DPP6: variants seen among roughly 807,000 people sequenced by gnomAD.
DPP6 encodes the protein dipeptidyl peptidase like 6, also known as A-type potassium channel modulatory protein DPP6.
A neutral mutation model predicts 122.6 loss-of-function variants in DPP6; 69 were observed. The observed-to-expected ratio is 0.56, with a 90% CI of 0.46 to 0.69. The LOEUF is 0.69. DPP6 is among the 30% of genes least tolerant of loss of function. The pLI, the probability that DPP6 is intolerant of heterozygous loss-of-function variation, is 0.00. For synonymous variants in DPP6, 418 were observed against 433.1 expected, an observed-to-expected ratio of 0.97 and a Z score of 0.43; for missense variants, 928 against 1,116.9, an observed-to-expected ratio of 0.83 and a Z score of 2.41.
rs1554490643 is a variant in DPP6, at chr7:154,866,998, T to TTC, written c.1715-997_1715-996insTC. On this transcript the variant is annotated intron_variant, in intron 17 of 25. Coordinates refer to ENST00000377770, the MANE Select transcript of DPP6 (RefSeq NM_130797.4). ...TGCAGAGCAGCTTTTTTTTTTTTTT[T>TTC]CAAGGGAGTTATATGGGAGGATGAC... Among the ~76,000 whole-genome samples the TTC allele has an allele frequency of 2.0e-5, 3 of 151,804 alleles. No individual in the cohort carries two copies. The East Asian group carries it at 5.8e-4, about 29-fold the overall frequency.
At chr7:153,947,520 C>T (rs1802004848) in intron 1 of DPP6, among the ~76,000 whole-genome samples, 1 of 152,172 alleles carries the variant, frequency 6.6e-6, no homozygotes, top group Non-Finnish European at 1.5e-5. Context: ...GAGAAAATTA[C>T]ACAGATTTAC....
rs1232965021 is a variant in DPP6, at chr7:154,325,697, G to A, written c.244-120517G>A. Among the ~76,000 whole-genome samples the A allele has an allele frequency of 5.9e-5, 9 of 152,234 alleles. No individual in the cohort carries two copies. The East Asian group carries it at 1.2e-3, about 20-fold the overall frequency. ...TCATTAGAAACTAAAGATTTGGATG[G>A]TGTTTTCATAATCTATTGAGAACTG... On this transcript the variant is annotated intron_variant, in intron 1 of 25. Transcript: ENST00000377770.
chr7:154,608,319 T>TTA (rs1563922092), intron 5 of DPP6, among the ~76,000 whole-genome samples: 1 of 81,298 alleles, frequency 1.2e-5, no homozygotes, highest in Admixed American at 1.5e-4. Flanking sequence ...TTAGGAGTGA[T>TTA]CATATATATA....
chr7:154,174,676 T>A (rs1797704853), intron 1 of DPP6, among the ~76,000 whole-genome samples: 1 of 152,138 alleles, frequency 6.6e-6, no homozygotes, highest in Non-Finnish European at 1.5e-5. Flanking sequence ...TGCAGACAAA[T>A]CGATATCTCC....
chr7:153,936,906 T>C (rs907188624), intron 1 of DPP6, among the ~76,000 whole-genome samples: 10 of 152,092 alleles, frequency 6.6e-5, no homozygotes, highest in African/African-American at 2.2e-4. Context: ...ATGCCAACAG[T>C]GTTTGTGGGA....
chr7:154,044,675 G>A (rs1350749853), intron 1 of DPP6, among the ~76,000 whole-genome samples: 1 of 152,202 alleles, frequency 6.6e-6, no homozygotes, highest in Non-Finnish European at 1.5e-5. Context: ...GGAATCTTAA[G>A]TGACGGTGAA....
intron 1 of DPP6, among the ~76,000 whole-genome samples, chr7:154,265,868 A>G (rs765927029): frequency 1.3e-5 from 2 of 152,124 alleles, no homozygotes; most frequent in South Asian, 4.1e-4. Context: ...CTTTGGTCCT[A>G]TTTTTAACTA....
chr7:154,040,426 T>C (rs1799702584), intron 1 of DPP6, among the ~76,000 whole-genome samples: 1 of 150,544 alleles, frequency 6.6e-6, no homozygotes, highest in South Asian at 2.1e-4. Context: ...ATGAGGCTGT[T>C]TCTCTTGCTT....
chr7:154,634,501 T>C (rs1221722491), intron 5 of DPP6, among the ~76,000 whole-genome samples: 4 of 152,182 alleles, frequency 2.6e-5, no homozygotes, highest in Admixed American at 6.5e-5. Flanking sequence ...GCCTTTCTTA[T>C]AGGCGATTCC....
the DPP6 span, among the ~76,000 whole-genome samples, chr7:153,770,703 A>T: frequency 6.6e-6 from 1 of 152,212 alleles, no homozygotes; most frequent in South Asian, 2.1e-4. Context: ...ATAATTTAAA[A>T]TAACTATGAC....
chr7:154,887,650 A>C (rs1328834916), intron 22 of DPP6, 26 bp from the exon 23 acceptor site: 1 of 1,612,778 alleles, frequency 6.2e-7, no homozygotes, highest in Non-Finnish European at 8.5e-7. Context: ...GCCAGAGGTA[A>C]CCTCCCTCCC....
chr7:153,749,853 T>C, the DPP6 span, among the ~76,000 whole-genome samples: 2 of 152,238 alleles, frequency 1.3e-5, no homozygotes, highest in Non-Finnish European at 2.9e-5. This position sits in a 1 kb window ranked among gnomAD's most constrained non-coding sequence, Gnocchi z 4.1. Context: ...CGAATATTTA[T>C]ATATTTTTTT....
At chr7:154,519,395 G>A (rs998195847) in intron 3 of DPP6, among the ~76,000 whole-genome samples, 5 of 152,160 alleles carry the variant, frequency 3.3e-5, no homozygotes, top group South Asian at 2.1e-4. Flanking sequence ...GCAGACACAC[G>A]CTACCAGGAG....
In DPP6 at chr7:154,500,417, C is replaced by T. The variant is rs1011982964; in HGVS notation, c.457+25380C>T. Reference sequence around the variant, plus strand: ...AGAGATAAAGCTTATAATATGGTTTCGCTGTGTCACTACCCAAATCTCATT... The same window carrying T: ...AGAGATAAAGCTTATAATATGGTTTTGCTGTGTCACTACCCAAATCTCATT... On this transcript the variant is annotated intron_variant, in intron 3 of 25. Transcript: ENST00000377770. Among the ~76,000 whole-genome samples, 39 of 152,122 alleles carry T rather than the reference C, an allele frequency of 2.6e-4. 1 individual carries two copies. Among genetic ancestry groups the T allele is most frequent in the Non-Finnish European group, 3.7e-4 (25 of 68,020 alleles).
At chr7:154,011,512 A>G (rs1798156075) in intron 1 of DPP6, among the ~76,000 whole-genome samples, 1 of 152,234 alleles carries the variant, frequency 6.6e-6, no homozygotes. Flanking sequence ...AGATCTAAGA[A>G]ATAAATCTCA....
At chr7:154,354,728 C>T (rs548995992) in intron 1 of DPP6, among the ~76,000 whole-genome samples, 6 of 152,316 alleles carry the variant, frequency 3.9e-5, no homozygotes, top group East Asian at 1.9e-4. Flanking sequence ...GTTCACTCTT[C>T]GCATTTCTGT....
the DPP6 span, among the ~76,000 whole-genome samples, chr7:153,779,057 C>A: frequency 6.8e-6 from 1 of 146,828 alleles, no homozygotes; most frequent in African/African-American, 2.7e-5. Context: ...AAAAAATAGG[C>A]TAAGTGAAAA....
intron 1 of DPP6, among the ~76,000 whole-genome samples, chr7:154,024,446 T>A (rs75005526): frequency 6.6e-6 from 1 of 152,106 alleles, no homozygotes; most frequent in Non-Finnish European, 1.5e-5. Flanking sequence ...GTTTTTTTTT[T>A]CCTGTTATGT....
chr7:154,876,159 C>T, intron 20 of DPP6, 59 bp downstream of exon 20: 1 of 1,482,148 alleles, frequency 6.7e-7, no homozygotes, highest in African/African-American at 1.4e-5. Context: ...CTCATGGGGG[C>T]AGCACCGCAG....
Sources: gnomAD v4.1 joint callset for allele counts (sites outside exome capture counted in the v4.1 genomes callset) on GRCh38, gnomAD v4.1.1 for gene constraint, Gnocchi (gnomAD v3.1) non-coding constraint, MANE v1.5 for transcripts, NCBI Gene and HGNC (gene_info 2026-07-23, HGNC 2026-07-21) for gene names.